The following HTR3C variants were observed in gnomAD, a reference collection of about 807,000 sequenced individuals.
HTR3C encodes the protein 5-hydroxytryptamine receptor 3C.
In HTR3C, 32 loss-of-function variants were observed where a neutral mutation model predicts 40.5. The ratio of observed to expected loss-of-function variants is 0.79; its 90% CI spans 0.60 to 1.06. The LOEUF (loss-of-function observed/expected upper bound fraction) is 1.06. Ranked by LOEUF, HTR3C falls within the 50% of genes least tolerant of loss-of-function variation. The pLI is 0.00. For missense variants in HTR3C, 523 were observed against 556.8 expected (o/e 0.94, Z 0.61); for synonymous variants, 209 against 217.1 (o/e 0.96, Z 0.33).
At chr3:184,054,959 A>G (rs1404127166) in intron 2 of HTR3C, 72 bp downstream of exon 2, 9 of 1,467,506 alleles carry the variant, frequency 6.1e-6, no homozygotes, top group Non-Finnish European at 8.3e-6. Flanking sequence ...TGTCAACCCA[A>G]CATGGCCCTG....
rs188631573 is a variant in HTR3C, at chr3:184,055,124, A to C, written c.235-188A>C. Among the ~76,000 whole-genome samples the C allele has an allele frequency of 2.2e-3, 334 of 152,352 alleles. 5 individuals are homozygous for C. Among genetic ancestry groups the C allele is most frequent in the African/African-American group, 7.3e-3 (303 of 41,578 alleles). ...TGTCATTTCTAGAATGCTCTAGAAA[A>C]AAGTAGTCTGTATATTAATCAAAAT... is the stretch of plus-strand genomic sequence containing the variant. On this transcript the variant is annotated intron_variant, in intron 2 of 8. Transcript: ENST00000318351.
At chr3:184,057,950 A>T (rs1352474331) in intron 5 of HTR3C, among the ~76,000 whole-genome samples, 1 of 152,130 alleles carries the variant, frequency 6.6e-6, no homozygotes, top group Non-Finnish European at 1.5e-5. Context: ...TTTAGCTCAA[A>T]TCTTTTAACT....
chr3:184,054,810 G>A lies in HTR3C; in HGVS notation c.157G>A (p.Ala53Thr). Reference sequence around the variant, plus strand: ...CTTCCAAGCAGTGTTTGACAGAAAGGCCTTCCGTCCATTCACCAACTACAG... The same window carrying A: ...CTTCCAAGCAGTGTTTGACAGAAAGACCTTCCGTCCATTCACCAACTACAG... ...AVFQAVFDRK[A>T]FRPFTNYSIP... Residue 53 changes from alanine to threonine, a missense_variant, in exon 2 of 9, where the codon GCC becomes ACC. Physicochemically the swap from Ala to Thr is moderately conservative, Grantham distance 58 (BLOSUM62 0). Coordinates refer to ENST00000318351, the MANE Select transcript of HTR3C (RefSeq NM_130770.3). 1.2e-6 allele frequency: 2 copies of A among 1,613,882 alleles called. No homozygotes were observed. The highest frequency in any genetic ancestry group is 1.3e-5 in the African/African-American group (1 of 75,008).
At chr3:184,055,871 T>G (rs368727324) in intron 3 of HTR3C, among the ~76,000 whole-genome samples, 72 of 53,644 alleles carry the variant, frequency 1.3e-3, no homozygotes, top group African/African-American at 5.0e-3. Context: ...TTAGGAAGGT[T>G]GAAATAGCAA....
In HTR3C at chr3:184,057,068, C is replaced by G. The variant is rs1045595772; in HGVS notation, c.559+24C>G. ...AGGTAAGTGTGACACATTTTGGTAGCTGTTTAAGATTCAGGGAAGACATTT... is the reference window on the plus strand; with the variant it reads ...AGGTAAGTGTGACACATTTTGGTAGGTGTTTAAGATTCAGGGAAGACATTT... On this transcript the variant is annotated intron_variant, in intron 5 of 8. Transcript: ENST00000318351. 2.0e-6 allele frequency: 3 copies of G among 1,517,280 alleles called. No individual in the cohort carries two copies. The African/African-American group carries it at 6.0e-5, about 31-fold the overall frequency. 94.0% of individuals were successfully genotyped at this position (1,517,280 alleles called of 1,614,324 possible).
intron 5 of HTR3C, among the ~76,000 whole-genome samples, 167 bp downstream of exon 5, chr3:184,057,211 C>G (rs1001939614): frequency 6.6e-6 from 1 of 152,212 alleles, no homozygotes; most frequent in Non-Finnish European, 1.5e-5. Flanking sequence ...ACACTGTAAT[C>G]TCAGCACTTT....
chr3:184,059,994 G>C lies in HTR3C; in HGVS notation c.1092G>C (p.Ala364=). 1.2e-6 allele frequency: 2 copies of C among 1,613,706 alleles called. No individual in the cohort carries two copies. Among genetic ancestry groups the C allele is most frequent in the Non-Finnish European group, 1.7e-6 (2 of 1,179,988 alleles). The change falls in exon 8 of 9, where the codon GCG becomes GCC. Residue 364 remains alanine (A), a synonymous_variant. Coordinates refer to ENST00000318351, the MANE Select transcript of HTR3C (RefSeq NM_130770.3). ...CTSPGRCCPT[A]PQKGNKGLGL... ...GCCCAGGGAGATGCTGTCCCACTGC[G>C]CCCCAGAAGGGAAATAAGGGCCTGG...
Position 184,059,654 on chromosome 3 carries a change from C to T in HTR3C, c.925+14C>T, listed in dbSNP as rs1576989715. On this transcript the variant is annotated intron_variant, in intron 7 of 8. Transcript: ENST00000318351. The stretch of plus-strand genomic sequence containing the variant: ...CCCCCCTCATCAGTATGGCTCCTCC[C>T]ACTTTCAGGAGGAGAAAGGGCACCC... 1.2e-6 allele frequency: 2 copies of T among 1,613,534 alleles called. No individual in the cohort carries two copies. The highest frequency in any genetic ancestry group is 1.3e-5 in the African/African-American group (1 of 75,022).
chr3:184,055,825 G>A (rs956103281), intron 3 of HTR3C, among the ~76,000 whole-genome samples: 3 of 132,144 alleles, frequency 2.3e-5, no homozygotes, highest in Admixed American at 9.1e-5. Context: ...ATGTAGAACT[G>A]GACTCACCAT....
rs778789706 is a variant in HTR3C at position 184,056,305 on chromosome 3, G to A, written c.389+19G>A. On this transcript the variant is annotated intron_variant, in intron 4 of 8. Coordinates refer to ENST00000318351, the MANE Select transcript of HTR3C (RefSeq NM_130770.3). ...TGGAATCGTGCGTATGCAGGCTGGG[G>A]AAGCCAGCGTGAAACCTCATCTGCC... is the stretch of plus-strand genomic sequence containing the variant. The A allele has an allele frequency of 1.3e-6, 2 of 1,546,058 alleles. No individual in the cohort carries two copies. Among genetic ancestry groups the A allele is most frequent in the Non-Finnish European group, 1.8e-6 (2 of 1,118,336 alleles).
At chr3:184,057,175 C>A in intron 5 of HTR3C, 131 bp downstream of exon 5, 1 of 615,414 alleles carries the variant, frequency 1.6e-6, no homozygotes, top group Non-Finnish European at 2.8e-6. Context: ...TTGAAAATAC[C>A]AATAACTGGC....
In HTR3C at chr3:184,055,365, G is replaced by C. The variant is rs1187166631; in HGVS notation, c.279+9G>C. On this transcript the variant is annotated intron_variant, in intron 3 of 8. Transcript: ENST00000318351. ...TCCTGTGGATGGATTTGGTAAGGCA[G>C]ATTCAACTATCTCCTCCCCACTTCA... The C allele has an allele frequency of 6.3e-7, 1 of 1,582,424 alleles. No individual in the cohort carries two copies. The highest frequency in any genetic ancestry group is 1.3e-5 in the African/African-American group (1 of 74,300).
intron 3 of HTR3C, among the ~76,000 whole-genome samples, chr3:184,055,797 C>G (rs1723310578): frequency 7.3e-6 from 1 of 136,174 alleles, no homozygotes; most frequent in Non-Finnish European, 1.5e-5. Flanking sequence ...TTTCTGGGAT[C>G]TGGGAAAAAA....
rs1560082055 is a variant in HTR3C at position 184,059,460 on chromosome 3, C to T, written c.745C>T (p.Leu249Phe). 2.5e-6 allele frequency: 4 copies of T among 1,614,096 alleles called. No homozygotes were observed. The highest frequency in any genetic ancestry group is 3.4e-6 in the Non-Finnish European group (4 of 1,180,056). Residue 249 changes from leucine to phenylalanine, a missense_variant, in exon 7 of 9, where the codon CTC becomes TTC. Leu to Phe is a conservative substitution (Grantham distance 22). Transcript: ENST00000318351. Reference protein sequence around the residue: ...FYVAIRRRPSLYIINLLVPSS... With the variant: ...FYVAIRRRPSFYIINLLVPSS... Reference sequence around the variant, plus strand: ...GGTGGCCATCAGGCGCAGGCCAAGCCTCTACATCATAAACCTGCTGGTGCC... The same window carrying T: ...GGTGGCCATCAGGCGCAGGCCAAGCTTCTACATCATAAACCTGCTGGTGCC...
chr3:184,056,544 C>T (rs1255672303), intron 4 of HTR3C, among the ~76,000 whole-genome samples: 5 of 152,038 alleles, frequency 3.3e-5, no homozygotes, highest in South Asian at 2.1e-4. Context: ...GTCAGAAGTT[C>T]GAGACCAGCC....
intron 4 of HTR3C, 35 bp from the exon 5 acceptor site, chr3:184,056,840 T>C: frequency 1.3e-6 from 2 of 1,554,804 alleles, no homozygotes; most frequent in Middle Eastern, 2.0e-4. Context: ...AAGAGCTGAT[T>C]AAGCCTCCAT....
Position 184,060,044 on chromosome 3 carries a change from G to C in HTR3C, c.1141+1G>C. On this transcript the variant is annotated splice_donor_variant, in intron 8 of 8. Transcript: ENST00000318351. LOFTEE classifies it high-confidence loss of function. ...GGTCTCACCCTCACCCACCTGCCTG[G>C]TGAGGGAAGCCAGCACTGTCCATAC... 6.2e-7 allele frequency: 1 copy of C among 1,612,712 alleles called. No individual in the cohort carries two copies. Among genetic ancestry groups the C allele is most frequent in the Non-Finnish European group, 8.5e-7 (1 of 1,179,526 alleles).
rs766020472 is a variant in HTR3C, at chr3:184,055,358, T to C, written c.279+2T>C. ...ACATCATTCCTGTGGATGGATTTGGTAAGGCAGATTCAACTATCTCCTCCC... is the reference window on the plus strand; with the variant it reads ...ACATCATTCCTGTGGATGGATTTGGCAAGGCAGATTCAACTATCTCCTCCC... On this transcript the variant is annotated splice_donor_variant, in intron 3 of 8. Coordinates refer to ENST00000318351, the MANE Select transcript of HTR3C (RefSeq NM_130770.3). LOFTEE classifies it high-confidence loss of function. 4.4e-6 allele frequency: 7 copies of C among 1,599,852 alleles called. No individual in the cohort carries two copies. In the South Asian group the frequency reaches 7.7e-5, roughly 18 times the overall value.
At chr3:184,055,629 G>C (rs1723307185) in intron 3 of HTR3C, among the ~76,000 whole-genome samples, 1 of 151,750 alleles carries the variant, frequency 6.6e-6, no homozygotes, top group Non-Finnish European at 1.5e-5. Flanking sequence ...CAGGAAAATT[G>C]CTTGAACCGG....
Sources: gnomAD v4.1 joint callset for allele counts (sites outside exome capture counted in the v4.1 genomes callset) on GRCh38, gnomAD v4.1.1 for gene constraint, MANE v1.5 for transcripts, NCBI Gene and HGNC (gene_info 2026-07-23, HGNC 2026-07-21) for gene names.